The following PPP1R36 variants were observed in gnomAD, a reference collection of about 807,000 sequenced individuals.
The protein encoded by PPP1R36 is protein phosphatase 1 regulatory subunit 36.
PPP1R36 carries 47 observed loss-of-function variants against 53.4 expected under a neutral mutation model. The ratio of observed to expected loss-of-function variants is 0.88; its 90% confidence interval spans 0.70 to 1.12. PPP1R36 has a LOEUF of 1.12. Among genes scored for constraint, PPP1R36 ranks in the 50% most tolerant of loss-of-function variants. PPP1R36 has a pLI of 0.00. For synonymous variants in PPP1R36, 153 were observed against 170.5 expected, an observed-to-expected ratio of 0.90 and a Z score of 0.80; for missense variants, 456 against 513.9, an observed-to-expected ratio of 0.89 and a Z score of 1.09.
chr14:64,560,308 G>A (rs180792156), intron 3 of PPP1R36, among the ~76,000 whole-genome samples: 217 of 151,892 alleles, frequency 1.4e-3, no homozygotes, highest in African/African-American at 5.0e-3. Context: ...CAGGCATGGT[G>A]GTGCACACCT....
At chr14:64,573,853 C>T (rs1203147757) in intron 7 of PPP1R36, among the ~76,000 whole-genome samples, 1 of 127,736 alleles carries the variant, frequency 7.8e-6, no homozygotes, top group Non-Finnish European at 1.6e-5. Flanking sequence ...GTGGAGGTCT[C>T]AGTGAGCCGA....
At position 64,581,187 on chromosome 14, in the gene PPP1R36, C is replaced by T. The variant is rs1321802740; in HGVS notation, c.669-5650C>T. On this transcript the variant is annotated intron_variant, in intron 8 of 11. Transcript: ENST00000298705. ...ACTAAAAAGGCAGGATATTTTGAAGCGGGGCCTTACAGGTCATAAGCAGAT... is the reference window on the plus strand; with the variant it reads ...ACTAAAAAGGCAGGATATTTTGAAGTGGGGCCTTACAGGTCATAAGCAGAT... Among the ~76,000 whole-genome samples, 9 of 152,162 alleles carry T rather than the reference C, an allele frequency of 5.9e-5. No individual in the cohort carries two copies. In the East Asian group the frequency reaches 9.6e-4, roughly 16 times the overall value.
intron 8 of PPP1R36, among the ~76,000 whole-genome samples, chr14:64,577,041 C>T (rs1315939421): frequency 6.6e-6 from 1 of 152,182 alleles, no homozygotes; most frequent in Non-Finnish European, 1.5e-5. Flanking sequence ...AAATGTATTT[C>T]TCAGAGTTCT....
Position 64,555,869 on chromosome 14 carries a change from A to G in PPP1R36, c.182+3008A>G, listed in dbSNP as rs538379363. Reference sequence around the variant, plus strand: ...TCCCCTCTCTCTCTCTACACACACCACTCTCTTAACATTTTGCATTTCCAT... The same window carrying G: ...TCCCCTCTCTCTCTCTACACACACCGCTCTCTTAACATTTTGCATTTCCAT... On this transcript the variant is annotated intron_variant, in intron 3 of 11. Transcript: ENST00000298705. Among the ~76,000 whole-genome samples the G allele has an allele frequency of 4.0e-5, 6 of 151,784 alleles. No homozygotes were observed. In the East Asian group the frequency reaches 1.2e-3, roughly 29 times the overall value.
At chr14:64,556,762 A>ATGTGTATGTGTGTGTGTGTGTGTG in intron 3 of PPP1R36, among the ~76,000 whole-genome samples, 1 of 133,970 alleles carries the variant, frequency 7.5e-6, no homozygotes, top group East Asian at 2.3e-4. Context: ...TCTCCAAAAA[A>ATGTGTATGTGTGTGTGTGTGTGTG]TGTGTGTGTG....
intron 1 of PPP1R36, 47 bp downstream of exon 1, chr14:64,550,113 G>A (rs2080082315): frequency 6.5e-7 from 1 of 1,539,190 alleles, no homozygotes. Flanking sequence ...GGCGCAAGGC[G>A]GGCCCTGCTG....
At chr14:64,552,581 TG>T (rs11329780) in intron 2 of PPP1R36, 361,812 of 441,026 alleles carry the variant, frequency 0.82, 149,281 homozygotes, top group East Asian at 0.91. Flanking sequence ...GTTGGACAAA[TG>T]GGGGCTGGAG....
intron 1 of PPP1R36, 129 bp downstream of exon 1, chr14:64,550,195 C>A: frequency 7.0e-7 from 1 of 1,436,200 alleles, no homozygotes; most frequent in Non-Finnish European, 9.1e-7. Context: ...GCTGGCGGTT[C>A]TCAAAGACAC....
At chr14:64,560,042 T>G (rs545797253) in intron 3 of PPP1R36, among the ~76,000 whole-genome samples, 20 of 133,710 alleles carry the variant, frequency 1.5e-4, no homozygotes, top group African/African-American at 5.7e-4. Flanking sequence ...AGGCGGAGGT[T>G]GCAGTGAGCT....
At chr14:64,562,184 G>A (rs2080210905) in intron 3 of PPP1R36, among the ~76,000 whole-genome samples, 1 of 152,090 alleles carries the variant, frequency 6.6e-6, no homozygotes, top group African/African-American at 2.4e-5. Flanking sequence ...TTATTGGCTG[G>A]GCGCGGTGGC....
intron 8 of PPP1R36, among the ~76,000 whole-genome samples, chr14:64,577,820 G>A (rs776351073): frequency 9.9e-5 from 14 of 140,794 alleles, no homozygotes; most frequent in Non-Finnish European, 2.1e-4. Flanking sequence ...CTGCCTTCCG[G>A]GTTCACGCTG....
Position 64,558,050 on chromosome 14 carries a change from G to C in PPP1R36, c.182+5189G>C, listed in dbSNP as rs1016605140. The stretch of plus-strand genomic sequence containing the variant: ...CAGAGGAAAAACCCTGATACAGATA[G>C]GCCTCAGGGGCAAAAGAAGGTTCTC... On this transcript the variant is annotated intron_variant, in intron 3 of 11. Coordinates refer to ENST00000298705, the MANE Select transcript of PPP1R36 (RefSeq NM_172365.3). 3.9e-5 allele frequency among the ~76,000 whole-genome samples: 6 copies of C among 152,130 alleles called. No homozygotes were observed. The South Asian group carries it at 8.3e-4, about 21-fold the overall frequency.
intron 3 of PPP1R36, among the ~76,000 whole-genome samples, chr14:64,556,762 ATGTGTGTG>A (rs369620598): frequency 2.2e-5 from 3 of 134,060 alleles, no homozygotes; most frequent in Admixed American, 7.7e-5. Flanking sequence ...TCTCCAAAAA[ATGTGTGTG>A]TGTGTGTGTG....
At chr14:64,569,259 G>T (rs1176774274) in intron 7 of PPP1R36, among the ~76,000 whole-genome samples, 1 of 152,134 alleles carries the variant, frequency 6.6e-6, no homozygotes, top group Non-Finnish European at 1.5e-5. Flanking sequence ...CTTTCCACAC[G>T]CCAGGCTGCC....
At chr14:64,563,731 C>A (rs2080226274) in intron 3 of PPP1R36, among the ~76,000 whole-genome samples, 1 of 152,128 alleles carries the variant, frequency 6.6e-6, no homozygotes, top group African/African-American at 2.4e-5. Flanking sequence ...AGGGGAAGTG[C>A]TTCTATTACT....
intron 2 of PPP1R36, 24 bp from the exon 3 acceptor site, chr14:64,552,790 A>T: frequency 6.2e-7 from 1 of 1,608,442 alleles, no homozygotes; most frequent in South Asian, 1.1e-5. Context: ...ACTTCAAAGC[A>T]GTAATTTCAG....
At chr14:64,569,439 G>T (rs959694225) in intron 7 of PPP1R36, among the ~76,000 whole-genome samples, 1 of 152,144 alleles carries the variant, frequency 6.6e-6, no homozygotes, top group African/African-American at 2.4e-5. Context: ...GTTTTGTAAA[G>T]AACCAAATAA....
At chr14:64,569,267 G>T (rs928868653) in intron 7 of PPP1R36, among the ~76,000 whole-genome samples, 1 of 152,156 alleles carries the variant, frequency 6.6e-6, no homozygotes, top group African/African-American at 2.4e-5. Context: ...ACGCCAGGCT[G>T]CCCTCCCCAG....
At chr14:64,580,241 C>T (rs1042535710) in intron 8 of PPP1R36, among the ~76,000 whole-genome samples, 40 of 152,158 alleles carry the variant, frequency 2.6e-4, no homozygotes, top group African/African-American at 9.4e-4. Flanking sequence ...GTTGAGGCTG[C>T]AATGTGTCAT....
Sources: allele counts gnomAD v4.1 joint callset (sites outside exome capture counted in the v4.1 genomes callset), GRCh38; gene constraint gnomAD v4.1.1; transcripts MANE v1.5; gene names NCBI Gene and HGNC (gene_info 2026-07-23, HGNC 2026-07-21).